EYS: variants seen among roughly 807,000 people sequenced by gnomAD.
EYS encodes EGF-like photoreceptor maintenance factor.
EYS carries 250 observed loss-of-function variants against 282.1 expected under a neutral mutation model. The observed-to-expected ratio is 0.89, with a 90% CI of 0.80 to 0.98. EYS has a LOEUF of 0.98. EYS is among the 50% of genes least tolerant of loss of function. EYS has a pLI of 0.00. For synonymous variants in EYS, 1,355 were observed against 1,282.9 expected (o/e 1.06, Z -1.20); for missense variants, 4,016 against 3,709.0 (o/e 1.08, Z -2.15).
At chr6:63,896,090 G>A (rs551125020) in intron 35 of EYS, among the ~76,000 whole-genome samples, 25 of 152,116 alleles carry the variant, frequency 1.6e-4, no homozygotes, top group Non-Finnish European at 3.1e-4. Flanking sequence ...TTTCTTCAAA[G>A]ACCAGAAACA....
At chr6:64,720,000 T>C (rs1372999486) in intron 22 of EYS, among the ~76,000 whole-genome samples, 2 of 152,174 alleles carry the variant, frequency 1.3e-5, no homozygotes, top group African/African-American at 4.8e-5. Context: ...CTGTAACAAA[T>C]TACTAAAACA....
chr6:64,406,371 C>T (rs145117929), intron 28 of EYS, among the ~76,000 whole-genome samples: 1 of 152,166 alleles, frequency 6.6e-6, no homozygotes, highest in East Asian at 1.9e-4. Flanking sequence ...AGAGGAAAAC[C>T]TAGGCAGTAT....
intron 8 of EYS, among the ~76,000 whole-genome samples, chr6:65,374,498 C>A (rs967332829): frequency 1.7e-5 from 2 of 120,692 alleles, no homozygotes; most frequent in Admixed American, 9.3e-5. Flanking sequence ...GAGCTACCTG[C>A]GGAGTTTTTT....
intron 12 of EYS, among the ~76,000 whole-genome samples, chr6:65,107,901 A>C (rs988781755): frequency 2.6e-5 from 4 of 152,132 alleles, no homozygotes; most frequent in African/African-American, 7.2e-5. Context: ...ATGAGAATAT[A>C]TATGAAAACA....
intron 12 of EYS, among the ~76,000 whole-genome samples, chr6:65,097,468 A>G (rs1206257625): frequency 2.6e-5 from 4 of 150,978 alleles, no homozygotes; most frequent in Non-Finnish European, 6.0e-5. Context: ...AAACAGTACT[A>G]CCACATGATT....
At chr6:64,738,967 C>T (rs1772278770) in intron 22 of EYS, among the ~76,000 whole-genome samples, 1 of 152,160 alleles carries the variant, frequency 6.6e-6, no homozygotes, top group African/African-American at 2.4e-5. Context: ...AGGCTGGCCT[C>T]AAACCCCTGA....
chr6:64,239,286 G>A (rs575502970), intron 30 of EYS, among the ~76,000 whole-genome samples: 9 of 152,276 alleles, frequency 5.9e-5, no homozygotes, highest in African/African-American at 2.2e-4. Flanking sequence ...GGATTGCTGG[G>A]TCAAATGGTA....
chr6:64,020,608 G>T (rs1439069708), intron 33 of EYS, among the ~76,000 whole-genome samples: 1 of 152,112 alleles, frequency 6.6e-6, no homozygotes, highest in Non-Finnish European at 1.5e-5. Flanking sequence ...TTTCACATGT[G>T]ATATTTTAGA....
In EYS at chr6:64,591,994, A is replaced by G; in HGVS notation, c.3878-5T>C. 1 of 1,450,824 alleles carries G rather than the reference A, an allele frequency of 6.9e-7. No homozygotes were observed. Among genetic ancestry groups the G allele is most frequent in the Non-Finnish European group, 9.1e-7 (1 of 1,100,792 alleles). The allele number at this position is 1,450,824 out of a possible 1,614,324, so 89.9% of individuals were successfully genotyped here. On this transcript the variant is annotated splice_region_variant and splice_polypyrimidine_tract_variant and intron_variant, in intron 25 of 42. Coordinates refer to ENST00000503581, the MANE Select transcript of EYS (RefSeq NM_001142800.2). The stretch of plus-strand genomic sequence containing the variant: ...CAATGCCTGTCTGTTTTGGACCTAC[A>G]AAAAGGAAAAAAGCCAAAAAGGTTA...
chr6:65,623,098 A>C (rs1221794954), intron 2 of EYS, among the ~76,000 whole-genome samples: 1 of 152,120 alleles, frequency 6.6e-6, no homozygotes, highest in Non-Finnish European at 1.5e-5. Flanking sequence ...ATGGCCAGGC[A>C]AACAGTAGAC....
At chr6:65,430,028 G>C (rs1254299025) in intron 5 of EYS, among the ~76,000 whole-genome samples, 1 of 152,092 alleles carries the variant, frequency 6.6e-6, no homozygotes, top group Non-Finnish European at 1.5e-5. Context: ...GCATAGGAAA[G>C]ATGAGTAATT....
At chr6:64,700,295 G>A (rs1240970411) in intron 22 of EYS, among the ~76,000 whole-genome samples, 1 of 151,808 alleles carries the variant, frequency 6.6e-6, no homozygotes, top group African/African-American at 2.4e-5. Flanking sequence ...TGAAGAAAAA[G>A]TTAAAGAATT....
chr6:65,684,016 T>C (rs1251929528), intron 1 of EYS, among the ~76,000 whole-genome samples: 2 of 152,050 alleles, frequency 1.3e-5, no homozygotes, highest in Admixed American at 1.3e-4. Context: ...GTTTTCCTTT[T>C]GGTTTCTGTT....
intron 29 of EYS, among the ~76,000 whole-genome samples, chr6:64,357,690 C>T (rs1771870896): frequency 6.6e-6 from 1 of 151,484 alleles, no homozygotes; most frequent in South Asian, 2.1e-4. Context: ...GGACAGAGAA[C>T]AAGTTTTGGG....
At chr6:65,659,632 G>C (rs927540623) in intron 1 of EYS, among the ~76,000 whole-genome samples, 1 of 151,576 alleles carries the variant, frequency 6.6e-6, no homozygotes, top group African/African-American at 2.4e-5. Flanking sequence ...ACTTATAGGA[G>C]ATAATAAATA....
intron 31 of EYS, among the ~76,000 whole-genome samples, chr6:64,100,720 C>T (rs1360723050): frequency 6.6e-6 from 1 of 152,124 alleles, no homozygotes; most frequent in Admixed American, 6.6e-5. Context: ...TTTCTTCAAC[C>T]ACATTTGTAA....
chr6:65,313,642 C>A (rs2150300191), intron 11 of EYS, among the ~76,000 whole-genome samples: 1 of 151,988 alleles, frequency 6.6e-6, no homozygotes, highest in East Asian at 2.0e-4. Flanking sequence ...ACTAAATACC[C>A]TTTGTCTCTA....
intron 31 of EYS, among the ~76,000 whole-genome samples, chr6:64,110,224 C>T (rs1422407938): frequency 6.6e-6 from 1 of 151,256 alleles, no homozygotes; most frequent in Non-Finnish European, 1.5e-5. Flanking sequence ...CTTACTCCCT[C>T]TTTCTACACT....
chr6:64,143,926 T>G, intron 31 of EYS, among the ~76,000 whole-genome samples: 1 of 151,280 alleles, frequency 6.6e-6, no homozygotes, highest in East Asian at 1.9e-4. Context: ...TATCCCCTTT[T>G]GAGCAGGTTA....
Sources: gnomAD v4.1 joint callset for allele counts (sites outside exome capture counted in the v4.1 genomes callset) on GRCh38, gnomAD v4.1.1 for gene constraint, MANE v1.5 for transcripts, NCBI Gene and HGNC (gene_info 2026-07-23, HGNC 2026-07-21) for gene names.